LYRM7: variants seen among roughly 807,000 people sequenced by gnomAD.
LYRM7 encodes LYR motif containing 7.
LYRM7 carries 9 observed loss-of-function variants against 15.8 expected under a neutral mutation model. The ratio of observed to expected loss-of-function variants is 0.57; its 90% CI spans 0.34 to 0.99. LYRM7 has a LOEUF of 0.99. Among genes scored for constraint, LYRM7 ranks in the 50% least tolerant of loss-of-function variants. The pLI, the probability that LYRM7 is intolerant of heterozygous loss-of-function variation, is 0.02. For synonymous variants in LYRM7, 39 were observed against 39.4 expected (o/e 0.99, Z 0.04); for missense variants, 115 against 119.1 (o/e 0.97, Z 0.16).
At chr5:131,182,640 G>T (rs1755732580) in intron 3 of LYRM7, among the ~76,000 whole-genome samples, 1 of 152,166 alleles carries the variant, frequency 6.6e-6, no homozygotes, top group African/African-American at 2.4e-5. Context: ...AACTACAGAG[G>T]AAACTTCTAC....
intron 3 of LYRM7, among the ~76,000 whole-genome samples, chr5:131,182,674 A>G (rs1053619248): frequency 6.6e-6 from 1 of 152,208 alleles, no homozygotes; most frequent in African/African-American, 2.4e-5. Flanking sequence ...AAGCGGTTAG[A>G]TATTTATTTT....
chr5:131,196,528 C>G (rs952701952), intron 4 of LYRM7, among the ~76,000 whole-genome samples: 16 of 152,084 alleles, frequency 1.1e-4, no homozygotes, highest in African/African-American at 3.6e-4. Context: ...TTCTTCCCAT[C>G]TGGAGTGCAG....
At chr5:131,183,835 T>A (rs955484713) in intron 3 of LYRM7, among the ~76,000 whole-genome samples, 4 of 152,248 alleles carry the variant, frequency 2.6e-5, no homozygotes, top group East Asian at 1.9e-4. Context: ...TGAGAATTTT[T>A]AAAAATATAT....
At chr5:131,180,213 AACT>A in intron 2 of LYRM7, 46 bp downstream of exon 2, 1 of 1,339,670 alleles carries the variant, frequency 7.5e-7, no homozygotes, top group African/African-American at 1.4e-5. Flanking sequence ...CTTTTTAGAT[AACT>A]ACTAATCTCT....
At chr5:131,177,198 T>G (rs928581884) in intron 1 of LYRM7, among the ~76,000 whole-genome samples, 1 of 152,214 alleles carries the variant, frequency 6.6e-6, no homozygotes, top group African/African-American at 2.4e-5. Flanking sequence ...CCAGTTTCAT[T>G]TTTCCTTGCA....
chr5:131,179,456 T>C (rs900166278), intron 1 of LYRM7, among the ~76,000 whole-genome samples: 4 of 89,544 alleles, frequency 4.5e-5, no homozygotes, highest in African/African-American at 1.7e-4. Flanking sequence ...TTTTCTTTTC[T>C]TTTTTTTTTT....
At chr5:131,182,395 T>A (rs992055596) in intron 3 of LYRM7, 96 bp downstream of exon 3, 77 of 1,108,662 alleles carry the variant, frequency 6.9e-5, no homozygotes, top group Non-Finnish European at 8.8e-5. Context: ...TAAAAACCAT[T>A]ACTTGATAGT....
At position 131,204,465 on chromosome 5, in the gene LYRM7, G is replaced by GACACACAC. The variant is rs1443421606; in HGVS notation, c.*4865_*4866insCACACACA. 1 of 110,504 alleles carries GACACACAC rather than the reference G, an allele frequency of 9.0e-6. No individual in the cohort carries two copies. Among genetic ancestry groups the GACACACAC allele is most frequent in the Non-Finnish European group, 1.9e-5 (1 of 53,454 alleles). The allele number at this position is 110,504 out of a possible 1,614,324, so 6.8% of individuals were successfully genotyped here. A position where few individuals can be genotyped will look rare whatever the true frequency, so the allele number is the denominator to read the frequency against. ...TTTTCCAAGAGTTGAAAAGGATGAG[G>GACACACAC]ATACACACACACACACACACACACA... On this transcript the variant is annotated 3_prime_UTR_variant, in exon 5 of 5. Coordinates refer to ENST00000379380, the MANE Select transcript of LYRM7 (RefSeq NM_181705.4).
chr5:131,197,248 G>A (rs978278426), intron 4 of LYRM7, among the ~76,000 whole-genome samples: 2 of 152,132 alleles, frequency 1.3e-5, no homozygotes, highest in African/African-American at 4.8e-5. Flanking sequence ...GTAATGTCTA[G>A]CATGAAATAG....
At chr5:131,192,063 AC>A (rs1755895024) in intron 4 of LYRM7, among the ~76,000 whole-genome samples, 1 of 151,348 alleles carries the variant, frequency 6.6e-6, no homozygotes, top group African/African-American at 2.4e-5. Flanking sequence ...ACACACACAC[AC>A]ACACACACAC....
At position 131,202,415 on chromosome 5, in the gene LYRM7, GC is replaced by G. The variant is rs1238373830; in HGVS notation, c.*2816del. 1 of 152,212 alleles carries G rather than the reference GC, an allele frequency of 6.6e-6. No homozygotes were observed. The highest frequency in any genetic ancestry group is 1.5e-5 in the Non-Finnish European group (1 of 68,088). The allele number at this position is 152,212 out of a possible 1,614,324, so 9.4% of individuals were successfully genotyped here. A position where few individuals can be genotyped will look rare whatever the true frequency, so the allele number is the denominator to read the frequency against. On this transcript the variant is annotated 3_prime_UTR_variant, in exon 5 of 5. Coordinates refer to ENST00000379380, the MANE Select transcript of LYRM7 (RefSeq NM_181705.4). ...AGGCTGAGGCAGGAGAATTACTTGA[GC>G]CAGGGAAGCAGAGGTTGTGGTGAGC...
intron 4 of LYRM7, among the ~76,000 whole-genome samples, chr5:131,189,175 G>T (rs887220840): frequency 1.3e-5 from 2 of 151,340 alleles, no homozygotes; most frequent in African/African-American, 4.9e-5. Context: ...AGGCGTGGTG[G>T]CTCAACGCCT....
At chr5:131,191,218 G>A (rs1755882148) in intron 4 of LYRM7, among the ~76,000 whole-genome samples, 1 of 151,548 alleles carries the variant, frequency 6.6e-6, no homozygotes. Flanking sequence ...GGTCCAAAAT[G>A]TAAGAAATTT....
intron 4 of LYRM7, among the ~76,000 whole-genome samples, chr5:131,190,750 C>T (rs1001932697): frequency 3.3e-5 from 5 of 152,126 alleles, no homozygotes; most frequent in Non-Finnish European, 7.4e-5. Flanking sequence ...CTCAGCCTCC[C>T]AAAATGCTGG....
intron 4 of LYRM7, among the ~76,000 whole-genome samples, chr5:131,187,711 C>T (rs951784748): frequency 6.6e-6 from 1 of 151,986 alleles, no homozygotes; most frequent in African/African-American, 2.4e-5. Flanking sequence ...GTCTCAAACT[C>T]CTGACCTCAG....
chr5:131,185,345 G>T (rs1755781054), intron 3 of LYRM7, among the ~76,000 whole-genome samples: 2 of 152,038 alleles, frequency 1.3e-5, no homozygotes, highest in African/African-American at 2.4e-5. Flanking sequence ...CCCCTTCTTT[G>T]AGGGTCCTTG....
intron 4 of LYRM7, among the ~76,000 whole-genome samples, chr5:131,192,070 CACACACACACA>C (rs1755895286): frequency 7.7e-6 from 1 of 129,866 alleles, no homozygotes; most frequent in African/African-American, 3.4e-5. Context: ...CACACACACA[CACACACACACA>C]ATGCAATATT....
At position 131,202,911 on chromosome 5, in the gene LYRM7, C is replaced by T. The variant is rs527470522; in HGVS notation, c.*3310C>T. 2 of 152,258 alleles carry T rather than the reference C, an allele frequency of 1.3e-5. No homozygotes were observed. The highest frequency in any genetic ancestry group is 1.9e-4 in the East Asian group (1 of 5,326). 9.4% of individuals were successfully genotyped at this position (152,258 alleles called of 1,614,324 possible). ...CAGATTTGAGAAGCATATGTAGATT[C>T]GAAGCTGGGGGAATATGGCAGGTAG... On this transcript the variant is annotated 3_prime_UTR_variant, in exon 5 of 5. Transcript: ENST00000379380.
chr5:131,196,946 A>G (rs191961279), intron 4 of LYRM7, among the ~76,000 whole-genome samples: 9 of 152,250 alleles, frequency 5.9e-5, no homozygotes, highest in Middle Eastern at 6.8e-3. Context: ...ATGAGCCACC[A>G]TGCCTGTCCT....
Sources: allele counts gnomAD v4.1 joint callset (sites outside exome capture counted in the v4.1 genomes callset), GRCh38; gene constraint gnomAD v4.1.1; transcripts MANE v1.5; gene names NCBI Gene and HGNC (gene_info 2026-07-23, HGNC 2026-07-21).